SYTL5: variants seen among roughly 807,000 people sequenced by gnomAD.
The protein encoded by SYTL5 is synaptotagmin-like protein 5.
A neutral mutation model predicts 55.9 loss-of-function variants in SYTL5; 34 were observed. The ratio of observed to expected loss-of-function variants is 0.61; its 90% confidence interval spans 0.46 to 0.81. SYTL5 has a LOEUF of 0.81. Ranked by LOEUF, SYTL5 falls within the 30% of genes least tolerant of loss-of-function variation. The pLI, the probability that SYTL5 is intolerant of heterozygous loss-of-function variation, is 0.00. For missense variants in SYTL5, 637 were observed against 546.7 expected, an observed-to-expected ratio of 1.17 and a Z score of -1.65; for synonymous variants, 221 against 188.7, an observed-to-expected ratio of 1.17 and a Z score of -1.40.
At chrX:37,992,284 G>C in the SYTL5 span, among the ~76,000 whole-genome samples, 7 of 112,738 alleles carry the variant, frequency 6.2e-5, no homozygotes, top group South Asian at 2.6e-3. Context: ...GTAGCAATCT[G>C]TCCCCTTGCC....
chrX:38,043,658 T>C (rs1935353266), intron 2 of SYTL5, among the ~76,000 whole-genome samples: 1 of 50,461 alleles, frequency 2.0e-5, no homozygotes, highest in African/African-American at 1.0e-4. Flanking sequence ...TGTATGTATG[T>C]ATGTATATAT....
chrX:37,898,117 C>G, the SYTL5 span, among the ~76,000 whole-genome samples: 1 of 111,666 alleles, frequency 9.0e-6, no homozygotes, highest in South Asian at 3.8e-4. Flanking sequence ...AAAATCTGGT[C>G]TCTGGCAAGG....
At chrX:37,906,908 G>T in the SYTL5 span, among the ~76,000 whole-genome samples, 1 of 112,015 alleles carries the variant, frequency 8.9e-6, no homozygotes, top group Non-Finnish European at 1.9e-5. Context: ...TCTCCTCTAA[G>T]GTTAGGGACC....
intron 6 of SYTL5, among the ~76,000 whole-genome samples, chrX:38,078,266 GTT>G (rs60191930): frequency 2.0e-5 from 2 of 100,235 alleles, no homozygotes; most frequent in Admixed American, 1.1e-4. Context: ...TTTTGTTTTT[GTT>G]TTTTTTTTTT....
At position 38,126,657 on chromosome X, in the gene SYTL5, T is replaced by C. The variant is rs1171154983; in HGVS notation, c.2120T>C (p.Met707Thr). 4 of 1,210,637 alleles carry C rather than the reference T, an allele frequency of 3.3e-6. No homozygotes were observed. Among genetic ancestry groups the C allele is most frequent in the South Asian group, 1.8e-5 (1 of 56,647 alleles). ...GAAGAGCAGCGCCTTTGGCAGAAGA[T>C]GGCCAACAACCCTGGAACTCCCTTT... is the stretch of plus-strand genomic sequence containing the variant. ...QGEEQRLWQKMANNPGTPFEG... is the reference protein window; with the variant it reads ...QGEEQRLWQKTANNPGTPFEG... The change falls in exon 17 of 17, where the codon ATG (methionine) becomes ACG (threonine). Residue 707 changes from methionine (M) to threonine (T), a missense_variant. By Grantham distance (81) the Met-to-Thr change is moderately conservative. Coordinates refer to ENST00000297875, the MANE Select transcript of SYTL5 (RefSeq NM_138780.3).
At chrX:37,986,788 A>G in the SYTL5 span, among the ~76,000 whole-genome samples, 1 of 111,964 alleles carries the variant, frequency 8.9e-6, no homozygotes, top group Non-Finnish European at 1.9e-5. Flanking sequence ...GAAGCTTTTT[A>G]TCATTTGAAG....
At chrX:37,932,241 G>A in the SYTL5 span, among the ~76,000 whole-genome samples, 4 of 111,441 alleles carry the variant, frequency 3.6e-5, no homozygotes, top group Admixed American at 9.6e-5. Flanking sequence ...GAGAAGGAGC[G>A]AGGAGACATT....
At chrX:38,054,063 A>G in intron 2 of SYTL5, 150 bp from the exon 3 acceptor site, 1 of 451,779 alleles carries the variant, frequency 2.2e-6, no homozygotes, top group Non-Finnish European at 3.8e-6. Context: ...CCTTTTCAAA[A>G]TTCTAAGTGA....
At chrX:38,100,283 T>C (rs1937049508) in intron 9 of SYTL5, among the ~76,000 whole-genome samples, 1 of 111,174 alleles carries the variant, frequency 9.0e-6, no homozygotes, top group African/African-American at 3.3e-5. Flanking sequence ...TAAGTTCTCA[T>C]TTAACATCAT....
the SYTL5 span, among the ~76,000 whole-genome samples, chrX:37,980,621 A>G: frequency 8.9e-6 from 1 of 112,279 alleles, no homozygotes; most frequent in Non-Finnish European, 1.9e-5. Flanking sequence ...AGTGAAATGG[A>G]AACTCCACTT....
intron 2 of SYTL5, among the ~76,000 whole-genome samples, chrX:38,047,143 G>T (rs374105979): frequency 1.8e-5 from 2 of 112,011 alleles, no homozygotes; most frequent in Non-Finnish European, 1.9e-5. Context: ...GCGGTCTGGA[G>T]GACAGTGGCC....
intron 9 of SYTL5, among the ~76,000 whole-genome samples, chrX:38,097,820 TCAG>T (rs1936975474): frequency 9.3e-6 from 1 of 107,860 alleles, no homozygotes; most frequent in African/African-American, 3.4e-5. Context: ...GTTATAGCTA[TCAG>T]TACAACACAG....
chrX:37,987,619 A>G, the SYTL5 span, among the ~76,000 whole-genome samples: 2 of 112,029 alleles, frequency 1.8e-5, no homozygotes, highest in Admixed American at 1.9e-4. Context: ...AGAAAAGGAA[A>G]GGCTTTATTA....
intron 1 of SYTL5, among the ~76,000 whole-genome samples, chrX:38,017,797 G>A (rs1382589874): frequency 1.8e-5 from 2 of 109,146 alleles, no homozygotes; most frequent in Non-Finnish European, 3.8e-5. Flanking sequence ...ATGTCTACAT[G>A]TAAGTGTGCA....
intron 15 of SYTL5, among the ~76,000 whole-genome samples, chrX:38,122,999 C>T (rs1172872397): frequency 2.7e-5 from 3 of 112,661 alleles, no homozygotes; most frequent in African/African-American, 9.7e-5. Context: ...AAACAAATTC[C>T]CATGATGCCA....
At chrX:38,044,620 C>T (rs73632440) in intron 2 of SYTL5, among the ~76,000 whole-genome samples, 6,038 of 111,437 alleles carry the variant, frequency 0.054, 151 homozygotes, top group Middle Eastern at 0.12. Flanking sequence ...CATTGTGATA[C>T]CAAATATTTT....
At chrX:38,071,950 A>T in intron 3 of SYTL5, 97 bp from the exon 4 acceptor site, 1 of 542,508 alleles carries the variant, frequency 1.8e-6, no homozygotes. Flanking sequence ...TAAACTTTAT[A>T]AATAATTTGC....
chrX:38,085,700 G>A (rs190128729), intron 6 of SYTL5, among the ~76,000 whole-genome samples: 9 of 111,726 alleles, frequency 8.1e-5, no homozygotes, highest in Non-Finnish European at 1.7e-4. Flanking sequence ...TGCCTTAGGA[G>A]AGCACACATT....
intron 13 of SYTL5, among the ~76,000 whole-genome samples, chrX:38,114,230 A>G (rs1173517849): frequency 9.0e-6 from 1 of 111,576 alleles, no homozygotes; most frequent in Non-Finnish European, 1.9e-5. Context: ...AACCCCCATC[A>G]TATTTTACTC....
Sources: allele counts gnomAD v4.1 joint callset (sites outside exome capture counted in the v4.1 genomes callset), GRCh38; gene constraint gnomAD v4.1.1; transcripts MANE v1.5; gene names NCBI Gene and HGNC (gene_info 2026-07-23, HGNC 2026-07-21).